PPP1R16A: variants seen among roughly 807,000 people sequenced by gnomAD.
PPP1R16A encodes the protein protein phosphatase 1 regulatory subunit 16A.
In PPP1R16A, 39 loss-of-function variants were observed where a neutral mutation model predicts 46.6. The observed-to-expected ratio is 0.84, with a 90% confidence interval of 0.65 to 1.09. The LOEUF (loss-of-function observed/expected upper bound fraction) is 1.09. PPP1R16A is among the 50% of genes least tolerant of loss of function. The pLI is 0.00. For missense variants in PPP1R16A, 798 were observed against 735.6 expected (o/e 1.08, Z -0.98); for synonymous variants, 413 against 321.5 (o/e 1.28, Z -3.04).
intron 3 of PPP1R16A, chr8:144,497,664 G>A (rs1233235521): frequency 3.8e-5 from 27 of 714,092 alleles, no homozygotes; most frequent in Non-Finnish European, 6.2e-5. Context: ...GAGCCTGTGC[G>A]GGACAGCCGT....
intron 1 of PPP1R16A, among the ~76,000 whole-genome samples, chr8:144,481,520 T>C (rs550333683): frequency 6.6e-6 from 1 of 151,936 alleles, no homozygotes; most frequent in Non-Finnish European, 1.5e-5. Flanking sequence ...GGCGCATGCC[T>C]GTAATTCCAG....
chr8:144,484,086 G>T (rs1825547627), intron 1 of PPP1R16A, among the ~76,000 whole-genome samples: 1 of 152,180 alleles, frequency 6.6e-6, no homozygotes, highest in African/African-American at 2.4e-5. Flanking sequence ...CACCTCTGTT[G>T]TCCTAAGGCT....
At chr8:144,494,264 G>A (rs1227765509) in intron 2 of PPP1R16A, among the ~76,000 whole-genome samples, 1 of 151,794 alleles carries the variant, frequency 6.6e-6, no homozygotes, top group Non-Finnish European at 1.5e-5. Flanking sequence ...GAGCCACTGT[G>A]CCCCGCCGAT....
chr8:144,482,355 G>A (rs1166898485), intron 1 of PPP1R16A, among the ~76,000 whole-genome samples: 4 of 152,198 alleles, frequency 2.6e-5, no homozygotes, highest in Non-Finnish European at 4.4e-5. Flanking sequence ...ACCGCTCCTG[G>A]CCAGTTTATA....
chr8:144,482,657 T>A (rs1825478633), intron 1 of PPP1R16A, among the ~76,000 whole-genome samples: 1 of 138,018 alleles, frequency 7.2e-6, no homozygotes, highest in African/African-American at 3.1e-5. Context: ...CCAGCTAACT[T>A]TTTTTTTTTT....
Position 144,500,987 on chromosome 8 carries a change from A to G in PPP1R16A, c.1037+16A>G. ...GCAGCCGCGGGTGAGCGCCGCCCCC[A>G]GCAGGCCCCGCCCCGGGCTTGGCCC... On this transcript the variant is annotated intron_variant, in intron 10 of 11. Coordinates refer to ENST00000435887, the MANE Select transcript of PPP1R16A (RefSeq NM_001329443.2). 1.4e-6 allele frequency: 2 copies of G among 1,433,208 alleles called. No individual in the cohort carries two copies. The highest frequency in any genetic ancestry group is 3.0e-5 in the South Asian group (2 of 65,968). The allele number at this position is 1,433,208 out of a possible 1,614,324, so 88.8% of individuals were successfully genotyped here.
intron 2 of PPP1R16A, among the ~76,000 whole-genome samples, chr8:144,492,358 G>GTTTTTTT (rs1564762989): frequency 1.4e-5 from 2 of 144,030 alleles, no homozygotes. Context: ...TTTTTTGATA[G>GTTTTTTT]GGAGTCTCTC....
chr8:144,478,030 T>C lies in PPP1R16A; in HGVS notation c.-1011T>C, dbSNP rs2620666. On this transcript the variant is annotated 5_prime_UTR_variant, in exon 1 of 12. Coordinates refer to ENST00000435887, the MANE Select transcript of PPP1R16A (RefSeq NM_001329443.2). ...TAGCGTTGCCATGGCGAGGGCCGGG[T>C]GCGGGGCCCGCCCCCGCAGCGCCTC... is the stretch of plus-strand genomic sequence containing the variant. 0.47 allele frequency: 183,725 copies of C among 392,056 alleles called. 44,535 individuals carry two copies. The highest frequency in any genetic ancestry group is 0.57 in the South Asian group (4,430 of 7,768). 24.3% of individuals were successfully genotyped at this position (392,056 alleles called of 1,614,324 possible).
Position 144,500,119 on chromosome 8 carries a change from A to G in PPP1R16A, c.500A>G (p.Asn167Ser), listed in dbSNP as rs749054697. 6 of 1,611,350 alleles carry G rather than the reference A, an allele frequency of 3.7e-6. No homozygotes were observed. The highest frequency in any genetic ancestry group is 2.2e-5 in the South Asian group (2 of 90,644). ...AGTGGCGCCAATCTCCTGGCGGTCA[A>G]CACCGACGGGAACATGCCCTATGAC... is the stretch of plus-strand genomic sequence containing the variant. ...IASGANLLAV[N>S]TDGNMPYDLC... Residue 167 changes from asparagine to serine, a missense_variant, in exon 6 of 12, where the codon AAC becomes AGC. Transcript: ENST00000435887.
Position 144,501,622 on chromosome 8 carries a change from C to CTG in PPP1R16A, c.1307_1308dup (p.Ser437Ter). 1 of 1,610,538 alleles carries CTG rather than the reference C, an allele frequency of 6.2e-7. No homozygotes were observed. The highest frequency in any genetic ancestry group is 8.5e-7 in the Non-Finnish European group (1 of 1,178,872). On this transcript the variant is annotated frameshift_variant, in exon 12 of 12. Transcript: ENST00000435887. LOFTEE classifies it low-confidence loss of function (END_TRUNC). ...ACTAGACCGGAGTGTCTCCTACCAG[C>CTG]TGAGCCCCCTGGACAGCACCACCCC...
At chr8:144,483,889 C>T (rs560775363) in intron 1 of PPP1R16A, among the ~76,000 whole-genome samples, 3 of 152,286 alleles carry the variant, frequency 2.0e-5, no homozygotes, top group Admixed American at 6.5e-5. Flanking sequence ...TTTTCCTTGG[C>T]CACCTTCCCC....
chr8:144,501,520 G>T lies in PPP1R16A; in HGVS notation c.1204G>T (p.Glu402Ter). The stretch of plus-strand genomic sequence containing the variant: ...GCTCTGGGACCTTCACTGCCCGCAG[G>T]AGGACAACCCCGAAGTGGTCAGGCC... The part of the protein sequence containing the change: ...GAELRPPPPE[E>*]DNPEVVRPHN... The change falls in exon 12 of 12, where the codon GAG becomes TAG. Residue 402 changes from glutamate to a stop codon, truncating the protein, a stop_gained and splice_region_variant. Transcript: ENST00000435887. LOFTEE classifies it low-confidence loss of function (END_TRUNC). The T allele has an allele frequency of 1.3e-6, 2 of 1,547,752 alleles. No individual in the cohort carries two copies. Among genetic ancestry groups the T allele is most frequent in the Non-Finnish European group, 1.7e-6 (2 of 1,145,904 alleles).
At chr8:144,478,931 CAG>C (rs1825284599) in intron 1 of PPP1R16A, 1 of 152,244 alleles carries the variant, frequency 6.6e-6, no homozygotes, top group Admixed American at 6.5e-5. Context: ...TTAGGGGAGA[CAG>C]AGCAAAGTTA....
rs1825244978 is a variant in PPP1R16A at position 144,478,030 on chromosome 8, T to TCAGGGAGC, written c.-1011_-1010insCAGGGAGC. ...TAGCGTTGCCATGGCGAGGGCCGGG[T>TCAGGGAGC]GCGGGGCCCGCCCCCGCAGCGCCTC... On this transcript the variant is annotated 5_prime_UTR_variant, in exon 1 of 12. The change abolishes the stop of an existing upstream ORF in the 5' untranslated region. Coordinates refer to ENST00000435887, the MANE Select transcript of PPP1R16A (RefSeq NM_001329443.2). 2.6e-6 allele frequency: 1 copy of TCAGGGAGC among 391,992 alleles called. No homozygotes were observed. The highest frequency in any genetic ancestry group is 4.5e-6 in the Non-Finnish European group (1 of 222,398). The allele number at this position is 391,992 out of a possible 1,614,324, so 24.3% of individuals were successfully genotyped here.
intron 5 of PPP1R16A, chr8:144,499,524 T>C (rs1045220673): frequency 5.3e-6 from 1 of 188,478 alleles, no homozygotes; most frequent in Non-Finnish European, 1.1e-5. Context: ...TCCAGGCATC[T>C]GTAGTGGGAG....
chr8:144,496,861 C>T lies in PPP1R16A; in HGVS notation c.-334C>T, dbSNP rs140635105. 1,090 of 452,108 alleles carry T rather than the reference C, an allele frequency of 2.4e-3. 2 individuals are homozygous for T. Among genetic ancestry groups the T allele is most frequent in the African/African-American group, 6.3e-3 (323 of 50,906 alleles). The allele number at this position is 452,108 out of a possible 1,614,324, so 28.0% of individuals were successfully genotyped here. Reference sequence around the variant, plus strand: ...TTAGTTTCAGACCCTGCACTGAGGCCGGCCAGGTCTCGGGGCTGCCTCCCA... The same window carrying T: ...TTAGTTTCAGACCCTGCACTGAGGCTGGCCAGGTCTCGGGGCTGCCTCCCA... On this transcript the variant is annotated 5_prime_UTR_variant, in exon 3 of 12. Transcript: ENST00000435887.
At chr8:144,494,161 G>A (rs1364567935) in intron 2 of PPP1R16A, among the ~76,000 whole-genome samples, 3 of 152,086 alleles carry the variant, frequency 2.0e-5, no homozygotes, top group Admixed American at 6.5e-5. Flanking sequence ...AAATTGAGAT[G>A]GGGTCTCGCT....
intron 10 of PPP1R16A, 34 bp from the exon 11 acceptor site, chr8:144,501,095 C>G (rs201113193): frequency 2.5e-6 from 4 of 1,603,554 alleles, no homozygotes; most frequent in Non-Finnish European, 3.4e-6. Context: ...GGGCACTCCC[C>G]TTCCCCTCAC....
chr8:144,499,538 G>C (rs902727089), intron 5 of PPP1R16A: 1 of 190,696 alleles, frequency 5.2e-6, no homozygotes, highest in Non-Finnish European at 1.1e-5. Context: ...GTGGGAGAGA[G>C]GTCAGGGCTG....
Sources: gnomAD v4.1 joint callset for allele counts (sites outside exome capture counted in the v4.1 genomes callset) on GRCh38, gnomAD v4.1.1 for gene constraint, MANE v1.5 for transcripts, NCBI Gene and HGNC (gene_info 2026-07-23, HGNC 2026-07-21) for gene names.